GRK5: variants seen among roughly 807,000 people sequenced by gnomAD.
The protein encoded by GRK5 is g protein-coupled receptor kinase GRK5.
A neutral mutation model predicts 78.4 loss-of-function variants in GRK5; 40 were observed. The observed-to-expected ratio is 0.51, with a 90% CI of 0.40 to 0.66. The LOEUF (loss-of-function observed/expected upper bound fraction) is 0.66. Among genes scored for constraint, GRK5 ranks in the 30% least tolerant of loss-of-function variants. The pLI, the probability that GRK5 is intolerant of heterozygous loss-of-function variation, is 0.00. For synonymous variants in GRK5, 289 were observed against 296.8 expected (o/e 0.97, Z 0.27); for missense variants, 598 against 759.9 (o/e 0.79, Z 2.50).
chr10:119,408,306 C>T (rs1033790011), intron 4 of GRK5, among the ~76,000 whole-genome samples: 1 of 127,490 alleles, frequency 7.8e-6, no homozygotes, highest in Non-Finnish European at 1.6e-5. Flanking sequence ...TGCACCACTG[C>T]TCTCTATCCT....
rs139906548 is a variant in GRK5 at position 119,266,423 on chromosome 10, G to A, written c.52+58454G>A. ...GTGAGCAGTGAGCCGAGATGGCGCCGCTGCACTCCAGCCTGGGCAACAGAG... is the reference window on the plus strand; with the variant it reads ...GTGAGCAGTGAGCCGAGATGGCGCCACTGCACTCCAGCCTGGGCAACAGAG... On this transcript the variant is annotated intron_variant, in intron 1 of 15. Coordinates refer to ENST00000392870, the MANE Select transcript of GRK5 (RefSeq NM_005308.3). Among the ~76,000 whole-genome samples, 816 of 151,894 alleles carry A rather than the reference G, an allele frequency of 5.4e-3. 6 individuals are homozygous for A. Among genetic ancestry groups the A allele is most frequent in the African/African-American group, 0.019 (774 of 41,412 alleles).
At chr10:119,383,641 C>T (rs1010690535) in intron 3 of GRK5, among the ~76,000 whole-genome samples, 4 of 152,316 alleles carry the variant, frequency 2.6e-5, no homozygotes, top group Middle Eastern at 3.4e-3. Flanking sequence ...AAACATGTTG[C>T]GTGTGTATTG....
At chr10:119,377,693 C>T (rs565810670) in intron 2 of GRK5, among the ~76,000 whole-genome samples, 105 of 152,020 alleles carry the variant, frequency 6.9e-4, no homozygotes, top group Middle Eastern at 3.4e-3. Flanking sequence ...ATACTGACAG[C>T]AAATGCCATA....
chr10:119,228,854 A>T (rs1446421090), intron 1 of GRK5, among the ~76,000 whole-genome samples: 1 of 152,158 alleles, frequency 6.6e-6, no homozygotes, highest in African/African-American at 2.4e-5. Flanking sequence ...AAAAGTAAAC[A>T]TGCCAGGTCT....
chr10:119,339,810 G>C lies in GRK5; in HGVS notation c.148+13199G>C, dbSNP rs1428827936. On this transcript the variant is annotated intron_variant, in intron 2 of 15. Coordinates refer to ENST00000392870, the MANE Select transcript of GRK5 (RefSeq NM_005308.3). Reference sequence around the variant, plus strand: ...TTGGGAGGTTGAGGCAGGAGAAATTGCATGAGCCAGGGAGGCAGAGGTTGC... The same window carrying C: ...TTGGGAGGTTGAGGCAGGAGAAATTCCATGAGCCAGGGAGGCAGAGGTTGC... Among the ~76,000 whole-genome samples the C allele has an allele frequency of 4.6e-5, 7 of 152,078 alleles. No individual in the cohort carries two copies. In the East Asian group the frequency reaches 1.4e-3, roughly 29 times the overall value.
intron 9 of GRK5, 45 bp downstream of exon 9, chr10:119,436,886 G>T (rs1564934754): frequency 4.6e-6 from 7 of 1,526,534 alleles, no homozygotes; most frequent in South Asian, 3.8e-5. Flanking sequence ...GTCCGAGGGG[G>T]TGGGGCCAGC....
intron 1 of GRK5, among the ~76,000 whole-genome samples, chr10:119,257,148 G>A (rs752390360): frequency 1.5e-4 from 23 of 152,132 alleles, no homozygotes; most frequent in African/African-American, 2.2e-4. Flanking sequence ...TGCTACCTTC[G>A]TTTTAACTTC....
chr10:119,331,944 T>A (rs1850787477), intron 2 of GRK5, among the ~76,000 whole-genome samples: 1 of 152,208 alleles, frequency 6.6e-6, no homozygotes, highest in Non-Finnish European at 1.5e-5. Flanking sequence ...ATCAGAAGAA[T>A]GCTTTTATAG....
intron 2 of GRK5, among the ~76,000 whole-genome samples, chr10:119,351,747 G>A (rs978913530): frequency 5.3e-5 from 8 of 152,200 alleles, no homozygotes; most frequent in Non-Finnish European, 1.5e-5. Context: ...TTGGTTGCCA[G>A]GGGCTTTACC....
At position 119,378,932 on chromosome 10, in the gene GRK5, C is replaced by T. The variant is rs1408323553; in HGVS notation, c.149-1883C>T. Among the ~76,000 whole-genome samples, 1 of 152,226 alleles carries T rather than the reference C, an allele frequency of 6.6e-6. No homozygotes were observed. Among genetic ancestry groups the T allele is most frequent in the Non-Finnish European group, 1.5e-5 (1 of 68,044 alleles). ...CCTCTGATTGGCTGTGACTAAGTGA[C>T]GTGTCCATCCGTGACCGTAGCACTG... On this transcript the variant is annotated intron_variant, in intron 2 of 15. Coordinates refer to ENST00000392870, the MANE Select transcript of GRK5 (RefSeq NM_005308.3). This position sits in a 1 kb window ranked among gnomAD's most constrained non-coding sequence, Gnocchi z 4.5.
intron 1 of GRK5, among the ~76,000 whole-genome samples, chr10:119,236,214 A>ATTTTTTT (rs372204989): frequency 6.7e-6 from 1 of 149,030 alleles, no homozygotes; most frequent in Non-Finnish European, 1.5e-5. Context: ...CCTACACACT[A>ATTTTTTT]TTTTTTTTTT....
At position 119,431,235 on chromosome 10, in the gene GRK5, T is replaced by A. The variant is rs1852809770; in HGVS notation, c.598-152T>A. The A allele has an allele frequency of 1.2e-6, 1 of 807,414 alleles. No homozygotes were observed. Among genetic ancestry groups the A allele is most frequent in the Non-Finnish European group, 1.9e-6 (1 of 536,004 alleles). The allele number at this position is 807,414 out of a possible 1,614,324, so 50.0% of individuals were successfully genotyped here. ...GGGCCCCAGGCCAGGCATCACTGGG[T>A]CCTGGGAGCCTGGAGCACTCATGAA... On this transcript the variant is annotated intron_variant, in intron 7 of 15. Coordinates refer to ENST00000392870, the MANE Select transcript of GRK5 (RefSeq NM_005308.3). This position sits in a 1 kb window ranked among gnomAD's most constrained non-coding sequence, Gnocchi z 4.8.
rs1410584320 is a variant in GRK5 at position 119,379,701 on chromosome 10, C to T, written c.149-1114C>T. Among the ~76,000 whole-genome samples, 1 of 152,166 alleles carries T rather than the reference C, an allele frequency of 6.6e-6. No individual in the cohort carries two copies. Among genetic ancestry groups the T allele is most frequent in the Non-Finnish European group, 1.5e-5 (1 of 68,042 alleles). The stretch of plus-strand genomic sequence containing the variant: ...GTTCCGTGCTCCAGAGAGCCTGAGA[C>T]AGCATGTTTCAGTGGTTCCTTCGAG... On this transcript the variant is annotated intron_variant, in intron 2 of 15. Transcript: ENST00000392870. The surrounding 1 kb of genome is among the most constrained non-coding windows in gnomAD (Gnocchi z 4.1).
chr10:119,348,248 G>A (rs1299052023), intron 2 of GRK5, among the ~76,000 whole-genome samples: 9 of 152,130 alleles, frequency 5.9e-5, no homozygotes, highest in Admixed American at 5.9e-4. Flanking sequence ...CAAAAGCAAA[G>A]CTCTCTTTCA....
At chr10:119,293,615 G>C (rs1414965614) in intron 1 of GRK5, among the ~76,000 whole-genome samples, 1 of 152,184 alleles carries the variant, frequency 6.6e-6, no homozygotes, top group East Asian at 1.9e-4. Context: ...CAGGCAAATT[G>C]GCTTCTTTGT....
At chr10:119,324,491 G>T (rs193218365) in intron 1 of GRK5, among the ~76,000 whole-genome samples, 1 of 152,198 alleles carries the variant, frequency 6.6e-6, no homozygotes, top group Non-Finnish European at 1.5e-5. Context: ...AGCCGGGTGC[G>T]GTGGTGCACA....
intron 4 of GRK5, among the ~76,000 whole-genome samples, chr10:119,418,314 C>T (rs1852504214): frequency 6.6e-6 from 1 of 152,156 alleles, no homozygotes; most frequent in Non-Finnish European, 1.5e-5. Flanking sequence ...CAGGGGGGAC[C>T]AGAAGGGGAG....
At chr10:119,281,025 G>T (rs890605969) in intron 1 of GRK5, among the ~76,000 whole-genome samples, 1 of 151,804 alleles carries the variant, frequency 6.6e-6, no homozygotes, top group South Asian at 2.1e-4. Flanking sequence ...TGATCCACAC[G>T]CCTTGGCCTC....
intron 15 of GRK5, among the ~76,000 whole-genome samples, chr10:119,453,676 C>T (rs2133922204): frequency 6.6e-6 from 1 of 152,320 alleles, no homozygotes; most frequent in East Asian, 1.9e-4. Context: ...TGCTGAATGT[C>T]CTCAGGGGCA....
Sources: allele counts gnomAD v4.1 joint callset (sites outside exome capture counted in the v4.1 genomes callset), GRCh38; gene constraint gnomAD v4.1.1; non-coding constraint Gnocchi (gnomAD v3.1); transcripts MANE v1.5; gene names NCBI Gene and HGNC (gene_info 2026-07-23, HGNC 2026-07-21).